The following NXPH1 variants were observed in gnomAD, a reference collection of about 807,000 sequenced individuals.
NXPH1 encodes the protein neurexophilin 1.
NXPH1 carries 5 observed loss-of-function variants against 23.7 expected under a neutral mutation model. That is an observed-to-expected ratio of 0.21 (90% CI 0.11 to 0.44). The LOEUF (loss-of-function observed/expected upper bound fraction) is 0.44. Among genes scored for constraint, NXPH1 ranks in the 20% least tolerant of loss-of-function variants. The probability of loss-of-function intolerance (pLI) is 0.99; values close to 1 mark genes in which losing one functional copy is unlikely to be tolerated. For synonymous variants in NXPH1, 144 were observed against 122.2 expected (o/e 1.18, Z -1.18); for missense variants, 324 against 321.6 (o/e 1.01, Z -0.06).
chr7:8,540,972 A>G (rs1563340317), intron 2 of NXPH1, among the ~76,000 whole-genome samples: 1 of 151,842 alleles, frequency 6.6e-6, no homozygotes, highest in Non-Finnish European at 1.5e-5. Flanking sequence ...GCTTAAGTAT[A>G]TTTATTGAAA....
At chr7:8,606,667 A>C (rs1819499880) in intron 2 of NXPH1, among the ~76,000 whole-genome samples, 1 of 152,146 alleles carries the variant, frequency 6.6e-6, no homozygotes, top group Non-Finnish European at 1.5e-5. Context: ...TGCCTTTTCA[A>C]AAGCTTGTTA....
intron 2 of NXPH1, among the ~76,000 whole-genome samples, chr7:8,706,418 C>G (rs1281305734): frequency 6.6e-6 from 1 of 152,146 alleles, no homozygotes; most frequent in Non-Finnish European, 1.5e-5. Context: ...CATAACTAAG[C>G]CCTCATGGGG....
intron 2 of NXPH1, among the ~76,000 whole-genome samples, chr7:8,473,110 G>A (rs746837943): frequency 7.2e-5 from 11 of 152,142 alleles, no homozygotes; most frequent in Non-Finnish European, 1.2e-4. Context: ...TGGCATAACT[G>A]ATGGTCTTTT....
intron 2 of NXPH1, among the ~76,000 whole-genome samples, chr7:8,465,019 G>T (rs1816757809): frequency 6.6e-6 from 1 of 152,198 alleles, no homozygotes; most frequent in African/African-American, 2.4e-5. Flanking sequence ...AGATGGGAGA[G>T]AAGGAGACAC....
chr7:8,727,868 T>A (rs920023701), intron 2 of NXPH1, among the ~76,000 whole-genome samples: 1 of 152,036 alleles, frequency 6.6e-6, no homozygotes, highest in African/African-American at 2.4e-5. Context: ...TTTCCAATTC[T>A]GTGAAGAAAG....
intron 2 of NXPH1, among the ~76,000 whole-genome samples, chr7:8,589,382 C>T (rs1351181062): frequency 6.6e-6 from 1 of 151,988 alleles, no homozygotes; most frequent in African/African-American, 2.4e-5. Flanking sequence ...CAATATTAGT[C>T]CTTGAAATAT....
At chr7:8,668,642 G>A (rs1362529831) in intron 2 of NXPH1, among the ~76,000 whole-genome samples, 1 of 149,996 alleles carries the variant, frequency 6.7e-6, no homozygotes, top group Non-Finnish European at 1.5e-5. Flanking sequence ...GATAGGCTTT[G>A]AGCCTGAGTC....
At chr7:8,623,010 A>T (rs1819907456) in intron 2 of NXPH1, among the ~76,000 whole-genome samples, 1 of 152,178 alleles carries the variant, frequency 6.6e-6, no homozygotes, top group Admixed American at 6.5e-5. Flanking sequence ...GACTTGGAGA[A>T]ATCAGAAAGA....
At chr7:8,499,442 T>A (rs1817394955) in intron 2 of NXPH1, among the ~76,000 whole-genome samples, 5 of 152,052 alleles carry the variant, frequency 3.3e-5, no homozygotes, top group Admixed American at 3.3e-4. Context: ...AGATCCCAGC[T>A]GAGCTATACC....
intron 2 of NXPH1, among the ~76,000 whole-genome samples, chr7:8,674,381 T>C (rs1033933538): frequency 6.6e-6 from 1 of 152,192 alleles, no homozygotes; most frequent in African/African-American, 2.4e-5. Context: ...TCAAAGTATA[T>C]TCACTTCCCG....
At chr7:8,685,741 T>C (rs1821136433) in intron 2 of NXPH1, among the ~76,000 whole-genome samples, 2 of 151,702 alleles carry the variant, frequency 1.3e-5, no homozygotes, top group Admixed American at 6.6e-5. Context: ...CTCATCGATA[T>C]AGAGAGTACA....
intron 2 of NXPH1, among the ~76,000 whole-genome samples, chr7:8,491,547 A>G (rs1406255774): frequency 6.6e-6 from 1 of 152,068 alleles, no homozygotes; most frequent in Non-Finnish European, 1.5e-5. Context: ...AATCTCAAAG[A>G]CACATTAAAT....
At chr7:8,506,832 G>A (rs745465448) in intron 2 of NXPH1, among the ~76,000 whole-genome samples, 9 of 152,068 alleles carry the variant, frequency 5.9e-5, no homozygotes, top group Non-Finnish European at 1.0e-4. Flanking sequence ...TGCTAGGGTA[G>A]CTGCAACATG....
At chr7:8,531,178 C>T (rs76185683) in intron 2 of NXPH1, among the ~76,000 whole-genome samples, 1,556 of 152,214 alleles carry the variant, frequency 0.01, 26 homozygotes, top group African/African-American at 0.036. Flanking sequence ...GTAAAGTGCT[C>T]TGCACAGTGT....
chr7:8,579,768 G>T lies in NXPH1; in HGVS notation c.54+144001G>T, dbSNP rs1328377489. ...TGATTGTTCCACTTGATTGCCAGAA[G>T]CATCTTTGGCAGTGTTGCAGAGCAT... On this transcript the variant is annotated intron_variant, in intron 2 of 2. Transcript: ENST00000405863. Among the ~76,000 whole-genome samples the T allele has an allele frequency of 2.0e-5, 3 of 152,196 alleles. No individual in the cohort carries two copies. The East Asian group carries it at 5.8e-4, about 29-fold the overall frequency.
chr7:8,533,147 G>A (rs1443762589), intron 2 of NXPH1, among the ~76,000 whole-genome samples: 3 of 152,126 alleles, frequency 2.0e-5, no homozygotes, highest in Non-Finnish European at 1.5e-5. Flanking sequence ...ATAGAGCAAA[G>A]ACGAGAATCC....
chr7:8,695,569 T>C (rs1821295312), intron 2 of NXPH1, among the ~76,000 whole-genome samples: 1 of 150,628 alleles, frequency 6.6e-6, no homozygotes, highest in Admixed American at 6.6e-5. Flanking sequence ...GACCTTTACC[T>C]TCTACTTTTC....
chr7:8,665,925 T>G (rs1820756273), intron 2 of NXPH1, among the ~76,000 whole-genome samples: 1 of 128,008 alleles, frequency 7.8e-6, no homozygotes, highest in South Asian at 2.5e-4. Context: ...TTTCTTTTTT[T>G]TTTTTTTTTG....
chr7:8,691,222 A>G (rs1013212989), intron 2 of NXPH1, among the ~76,000 whole-genome samples: 7 of 152,032 alleles, frequency 4.6e-5, no homozygotes, highest in Non-Finnish European at 1.0e-4. Context: ...CTCAGTCACC[A>G]TGACCTCCAT....
Sources: allele counts gnomAD v4.1 joint callset (sites outside exome capture counted in the v4.1 genomes callset), GRCh38; gene constraint gnomAD v4.1.1; transcripts MANE v1.5; gene names NCBI Gene and HGNC (gene_info 2026-07-23, HGNC 2026-07-21).